The following R3HCC1L variants were observed in gnomAD, a reference collection of about 807,000 sequenced individuals.
The protein encoded by R3HCC1L is R3H domain and coiled-coil containing 1 like.
A neutral mutation model predicts 59.9 loss-of-function variants in R3HCC1L; 51 were observed. That is an observed-to-expected ratio of 0.85 (90% confidence interval 0.68 to 1.07). The LOEUF is 1.07. Ranked by LOEUF, R3HCC1L falls within the 50% of genes least tolerant of loss-of-function variation. The pLI, the probability that R3HCC1L is intolerant of heterozygous loss-of-function variation, is 0.00. For synonymous variants in R3HCC1L, 322 were observed against 315.2 expected (o/e 1.02, Z -0.23); for missense variants, 965 against 933.0 (o/e 1.03, Z -0.45).
intron 4 of R3HCC1L, among the ~76,000 whole-genome samples, chr10:98,178,063 G>T (rs1336574029): frequency 6.6e-6 from 1 of 152,076 alleles, no homozygotes; most frequent in East Asian, 1.9e-4. Context: ...AGTTTAATTA[G>T]ACCCCATTTG....
At chr10:98,151,970 C>T (rs898660724) in intron 1 of R3HCC1L, among the ~76,000 whole-genome samples, 15 of 152,110 alleles carry the variant, frequency 9.9e-5, no homozygotes, top group Admixed American at 2.6e-4. Flanking sequence ...CGGTCTCCCT[C>T]GCCCTCTTTC....
intron 4 of R3HCC1L, among the ~76,000 whole-genome samples, chr10:98,183,706 C>T (rs965966441): frequency 6.6e-6 from 1 of 152,002 alleles, no homozygotes; most frequent in African/African-American, 2.4e-5. Context: ...GATTCTGAGA[C>T]TGTCTTGGTC....
At position 98,231,648 on chromosome 10, in the gene R3HCC1L, T is replaced by G. The variant is rs1189206190; in HGVS notation, c.1922T>G (p.Phe641Cys). The part of the protein sequence containing the change: ...VIEIYDFPQE[F>C]HTEDLLRVFC... Reference sequence around the variant, plus strand: ...GAAATTTATGACTTTCCCCAAGAATTTCATACTGAAGACCTTCTACGGGTT... The same window carrying G: ...GAAATTTATGACTTTCCCCAAGAATGTCATACTGAAGACCTTCTACGGGTT... The change falls in exon 6 of 10, where the codon TTT becomes TGT. Residue 641 changes from phenylalanine to cysteine, a missense_variant. Coordinates refer to ENST00000298999, the MANE Select transcript of R3HCC1L (RefSeq NM_001351015.2). 6.2e-7 allele frequency: 1 copy of G among 1,612,754 alleles called. No individual in the cohort carries two copies. The highest frequency in any genetic ancestry group is 1.7e-5 in the Admixed American group (1 of 59,884).
chr10:98,202,615 AG>A (rs1852176908), intron 4 of R3HCC1L, among the ~76,000 whole-genome samples: 2 of 152,204 alleles, frequency 1.3e-5, no homozygotes, highest in South Asian at 4.2e-4. Context: ...GCACTTTGGG[AG>A]CCTGAGGCGG....
chr10:98,200,236 T>C (rs1851889183), intron 4 of R3HCC1L, among the ~76,000 whole-genome samples: 1 of 142,106 alleles, frequency 7.0e-6, no homozygotes, highest in Non-Finnish European at 1.6e-5. Context: ...CTGAGTTGCA[T>C]TGTATTTACT....
intron 1 of R3HCC1L, among the ~76,000 whole-genome samples, chr10:98,143,365 CTT>C (rs1408666563): frequency 6.6e-6 from 1 of 152,210 alleles, no homozygotes; most frequent in Admixed American, 6.5e-5. Context: ...TTTCTAGTGA[CTT>C]TTTATGCCTC....
At chr10:98,204,239 TG>T (rs1852375974) in intron 4 of R3HCC1L, among the ~76,000 whole-genome samples, 1 of 152,116 alleles carries the variant, frequency 6.6e-6, no homozygotes, top group Non-Finnish European at 1.5e-5. Context: ...AGAAACCCCA[TG>T]TCTACTTAAA....
At chr10:98,239,493 T>C (rs185669032) in intron 9 of R3HCC1L, among the ~76,000 whole-genome samples, 18 of 152,286 alleles carry the variant, frequency 1.2e-4, no homozygotes, top group African/African-American at 3.4e-4. Context: ...CATAAAAAGA[T>C]ACTCAGTACA....
intron 5 of R3HCC1L, among the ~76,000 whole-genome samples, chr10:98,222,753 G>A (rs1042591152): frequency 2.0e-5 from 3 of 151,952 alleles, no homozygotes; most frequent in African/African-American, 7.3e-5. Flanking sequence ...TCCAGGAGCT[G>A]GTTTTTTGAA....
chr10:98,156,169 A>G (rs1846852620), intron 2 of R3HCC1L, 22 bp downstream of exon 2: 1 of 150,542 alleles, frequency 6.6e-6, no homozygotes, highest in African/African-American at 2.5e-5. Context: ...ACTTGTTGTT[A>G]TCCTTAGATT....
At chr10:98,138,239 A>G (rs1314231383) in intron 1 of R3HCC1L, among the ~76,000 whole-genome samples, 4 of 152,176 alleles carry the variant, frequency 2.6e-5, no homozygotes, top group East Asian at 3.9e-4. Context: ...TGCCTGTGCT[A>G]TGTTTTGCCA....
chr10:98,214,202 T>C (rs1202013306), intron 5 of R3HCC1L, among the ~76,000 whole-genome samples: 2 of 152,270 alleles, frequency 1.3e-5, no homozygotes, highest in East Asian at 3.9e-4. Context: ...TGCAGAAAGG[T>C]GAACAGTTCT....
intron 4 of R3HCC1L, among the ~76,000 whole-genome samples, chr10:98,198,863 C>A (rs1412076001): frequency 1.3e-5 from 2 of 152,144 alleles, no homozygotes; most frequent in East Asian, 3.9e-4. Flanking sequence ...CCAGTGCTAA[C>A]CCATTAGAAT....
At chr10:98,215,399 C>T (rs1408375430) in intron 5 of R3HCC1L, among the ~76,000 whole-genome samples, 1 of 144,580 alleles carries the variant, frequency 6.9e-6, no homozygotes, top group South Asian at 2.2e-4. Flanking sequence ...CCTAATTAGA[C>T]ATAAATTTTT....
chr10:98,137,020 C>A (rs1226412549), intron 1 of R3HCC1L, among the ~76,000 whole-genome samples: 1 of 151,858 alleles, frequency 6.6e-6, no homozygotes, highest in East Asian at 1.9e-4. Context: ...ACCATCCTGG[C>A]CAACATGGTG....
chr10:98,236,275 A>G, intron 9 of R3HCC1L, 111 bp downstream of exon 9: 1 of 1,372,500 alleles, frequency 7.3e-7, no homozygotes, highest in African/African-American at 1.5e-5. Flanking sequence ...TCTGTTTCCT[A>G]GAAGCCTCCT....
Position 98,152,526 on chromosome 10 carries a change from G to A in R3HCC1L, c.-267-3567G>A, listed in dbSNP as rs1480429656. On this transcript the variant is annotated intron_variant, in intron 1 of 9. Transcript: ENST00000298999. The stretch of plus-strand genomic sequence containing the variant: ...AAGTGAGGAGCGTCTCTGCCCGGCC[G>A]CCCAGTCTGGGAAGTGAGGAGCGCC... Among the ~76,000 whole-genome samples, 4 of 131,126 alleles carry A rather than the reference G, an allele frequency of 3.1e-5. 2 individuals are homozygous for A. The East Asian group carries it at 9.6e-4, about 31-fold the overall frequency. 86.0% of individuals were successfully genotyped at this position (131,126 alleles called of 152,430 possible).
Position 98,209,383 on chromosome 10 carries a change from C to T in R3HCC1L, c.1269C>T (p.Thr423=), listed in dbSNP as rs1195932512. 1.2e-6 allele frequency: 2 copies of T among 1,613,848 alleles called. No individual in the cohort carries two copies. The highest frequency in any genetic ancestry group is 1.7e-6 in the Non-Finnish European group (2 of 1,179,970). The change falls in exon 5 of 10, where the codon ACC becomes ACT. Residue 423 remains threonine (T), a synonymous_variant. Coordinates refer to ENST00000298999, the MANE Select transcript of R3HCC1L (RefSeq NM_001351015.2). ...TTGTAGGAATGAGTGCAGATGCAACCCCTCTTCATGTAGCTAGAAGTGGGA... is the reference window on the plus strand; with the variant it reads ...TTGTAGGAATGAGTGCAGATGCAACTCCTCTTCATGTAGCTAGAAGTGGGA... ...SKFVGMSADA[T]PLHVARSGND... is the part of the protein sequence containing the mutation.
At chr10:98,175,785 G>A (rs1206335484) in intron 4 of R3HCC1L, among the ~76,000 whole-genome samples, 4 of 151,996 alleles carry the variant, frequency 2.6e-5, no homozygotes, top group African/African-American at 4.8e-5. Context: ...TGATAAAGTC[G>A]AGTTTATTGA....
Sources: gnomAD v4.1 joint callset for allele counts (sites outside exome capture counted in the v4.1 genomes callset) on GRCh38, gnomAD v4.1.1 for gene constraint, MANE v1.5 for transcripts, NCBI Gene and HGNC (gene_info 2026-07-23, HGNC 2026-07-21) for gene names.